Variants in TMEM63B observed in about 807,000 individuals in gnomAD.
The protein encoded by TMEM63B is mechanosensitive cation channel TMEM63B.
Under a neutral mutation model 102.6 loss-of-function variants are expected in TMEM63B, and 23 were observed. That is an observed-to-expected ratio of 0.22 (90% CI 0.16 to 0.32). The LOEUF (loss-of-function observed/expected upper bound fraction) is 0.32. Among genes scored for constraint, TMEM63B ranks in the 10% least tolerant of loss-of-function variants. The pLI is 1.00. For synonymous variants in TMEM63B, 444 were observed against 437.0 expected, an observed-to-expected ratio of 1.02 and a Z score of -0.20; for missense variants, 628 against 1,095.9, an observed-to-expected ratio of 0.57 and a Z score of 6.03.
chr6:44,139,471 G>A lies in TMEM63B; in HGVS notation c.412G>A (p.Asp138Asn), dbSNP rs1304258626. 1.2e-6 allele frequency: 2 copies of A among 1,614,140 alleles called. No homozygotes were observed. Among genetic ancestry groups the A allele is most frequent in the Non-Finnish European group, 1.7e-6 (2 of 1,180,026 alleles). ...GTCCAACCCGTATGGCTGCAGGGAT[G>A]ATGAGATCCGGGACAAATGTGGGGG... ...WLTAIFRIKD[D>N]EIRDKCGGDA... Residue 138 changes from aspartate to asparagine, a missense_variant, in exon 7 of 24, where the codon GAT becomes AAT. This residue lies in a region of TMEM63B where 336 missense variants were observed against 580.3 expected (regional missense o/e 0.58). Transcript: ENST00000323267.
intron 15 of TMEM63B, 22 bp from the exon 16 acceptor site, chr6:44,149,837 G>A (rs1554126331): frequency 6.3e-6 from 10 of 1,590,710 alleles, no homozygotes; most frequent in Middle Eastern, 1.7e-4. Context: ...CCTGCCTGAC[G>A]CCCCCCTGTG....
intron 10 of TMEM63B, among the ~76,000 whole-genome samples, chr6:44,143,261 CA>C (rs1218489572): frequency 6.6e-6 from 1 of 152,212 alleles, no homozygotes; most frequent in African/African-American, 2.4e-5. Context: ...CAGTTATTGA[CA>C]ACCTTCTATG....
At chr6:44,154,328 A>G (rs755320176) in intron 22 of TMEM63B, 37 bp from the exon 23 acceptor site, 23 of 1,611,278 alleles carry the variant, frequency 1.4e-5, no homozygotes, top group Non-Finnish European at 2.0e-5. Flanking sequence ...GGCTGAGGAC[A>G]TGCCCCCACT....
intron 15 of TMEM63B, 60 bp from the exon 16 acceptor site, chr6:44,149,799 G>A: frequency 7.0e-7 from 1 of 1,429,502 alleles, no homozygotes; most frequent in Non-Finnish European, 9.6e-7. Flanking sequence ...AGGCACATAA[G>A]CAAAGCCACC....
chr6:44,130,338 T>A (rs1778018797), intron 1 of TMEM63B, among the ~76,000 whole-genome samples: 1 of 152,242 alleles, frequency 6.6e-6, no homozygotes, highest in Non-Finnish European at 1.5e-5. Flanking sequence ...ATGAGTTACA[T>A]TTGTAAAGTG....
At chr6:44,135,509 C>A in intron 4 of TMEM63B, 143 bp downstream of exon 4, 1 of 1,096,332 alleles carries the variant, frequency 9.1e-7, no homozygotes, top group African/African-American at 1.6e-5. Flanking sequence ...TTAACGCAGG[C>A]GGTGTGCTTT....
intron 11 of TMEM63B, 104 bp downstream of exon 11, chr6:44,147,031 C>A: frequency 7.8e-7 from 1 of 1,286,176 alleles, no homozygotes; most frequent in Non-Finnish European, 1.1e-6. Context: ...TTTCCTAGGG[C>A]ATTTGATTTT....
intron 5 of TMEM63B, among the ~76,000 whole-genome samples, chr6:44,136,870 C>T (rs983362126): frequency 6.6e-6 from 1 of 152,178 alleles, no homozygotes; most frequent in Non-Finnish European, 1.5e-5. Context: ...ACGGTGAAAC[C>T]CCGTCTCTAC....
rs1767762005 is a variant in TMEM63B, at chr6:44,155,058, C to T, written c.*175C>T. The T allele has an allele frequency of 4.9e-6, 3 of 614,878 alleles. No individual in the cohort carries two copies. The highest frequency in any genetic ancestry group is 7.8e-5 in the Admixed American group (2 of 25,618). 38.1% of individuals were successfully genotyped at this position (614,878 alleles called of 1,614,324 possible). Reference sequence around the variant, plus strand: ...TCTCCCCCATGATGGAGGGAGGGAGCCCCCCAACCTCAGTGAGGAGAGCCC... The same window carrying T: ...TCTCCCCCATGATGGAGGGAGGGAGTCCCCCAACCTCAGTGAGGAGAGCCC... On this transcript the variant is annotated 3_prime_UTR_variant, in exon 24 of 24. Coordinates refer to ENST00000323267, the MANE Select transcript of TMEM63B (RefSeq NM_018426.3).
At position 44,152,044 on chromosome 6, in the gene TMEM63B, G is replaced by T. The variant is rs528855338; in HGVS notation, c.1836+36G>T. ...CTGGGGCAGCAGCGGCCCGCACAGC[G>T]CCCCCTGGTGGCCCAACAAGAAACA... On this transcript the variant is annotated intron_variant, in intron 19 of 23. Coordinates refer to ENST00000323267, the MANE Select transcript of TMEM63B (RefSeq NM_018426.3). This position sits in a 1 kb window ranked among gnomAD's most constrained non-coding sequence, Gnocchi z 6.4. 52 of 1,552,804 alleles carry T rather than the reference G, an allele frequency of 3.3e-5. No individual in the cohort carries two copies. In the Admixed American group the frequency reaches 8.2e-4, roughly 24 times the overall value.
In TMEM63B at chr6:44,139,748, C is replaced by G; in HGVS notation, c.591C>G (p.Asn197Lys). ...GCTTTGGGAGAACCACCATTGCCAA[C>G]TTGAAATCAGGGTAAGATGCGAAGC... ...AYSFGRTTIANLKSGNNLLWL... is the reference protein window; with the variant it reads ...AYSFGRTTIAKLKSGNNLLWL... Residue 197 changes from asparagine (N) to lysine (K), a missense_variant, in exon 8 of 24, where the codon AAC (asparagine) becomes AAG (lysine). By Grantham distance (94) the Asn-to-Lys change is moderately conservative. Around this residue, in one of 6 missense-constraint regions of TMEM63B, gnomAD observed 336 missense variants for 580.3 expected, o/e 0.58. Coordinates refer to ENST00000323267, the MANE Select transcript of TMEM63B (RefSeq NM_018426.3). 1 of 1,614,156 alleles carries G rather than the reference C, an allele frequency of 6.2e-7. No homozygotes were observed. Among genetic ancestry groups the G allele is most frequent in the Non-Finnish European group, 8.5e-7 (1 of 1,180,038 alleles).
chr6:44,129,379 A>G (rs1415280573), intron 1 of TMEM63B, among the ~76,000 whole-genome samples: 5 of 152,012 alleles, frequency 3.3e-5, no homozygotes, highest in East Asian at 1.9e-4. Context: ...AAAAAAAAAA[A>G]AAAGAAAGAA....
At chr6:44,149,134 A>C (rs1766037120) in intron 15 of TMEM63B, 189 bp downstream of exon 15, 1 of 769,994 alleles carries the variant, frequency 1.3e-6, no homozygotes, top group Non-Finnish European at 2.1e-6. Flanking sequence ...GAGAGAGGCC[A>C]CCCTCAGGTG....
rs762370013 is a variant in TMEM63B at position 44,148,687 on chromosome 6, C to T, written c.1259+37C>T. On this transcript the variant is annotated intron_variant, in intron 14 of 23. Transcript: ENST00000323267. This position sits in a 1 kb window ranked among gnomAD's most constrained non-coding sequence, Gnocchi z 5.1. Reference sequence around the variant, plus strand: ...GGTGTCAGGGCAGGCTTTCCAGGGCCTGGGATGGGCTCAGTAGGTAGGCGG... The same window carrying T: ...GGTGTCAGGGCAGGCTTTCCAGGGCTTGGGATGGGCTCAGTAGGTAGGCGG... 78 of 1,611,898 alleles carry T rather than the reference C, an allele frequency of 4.8e-5. No homozygotes were observed. The highest frequency in any genetic ancestry group is 1.7e-4 in the Admixed American group (10 of 59,962).
At chr6:44,138,709 CATAATCT>C in intron 6 of TMEM63B, 192 bp downstream of exon 6, 1 of 516,824 alleles carries the variant, frequency 1.9e-6, no homozygotes, top group Non-Finnish European at 3.5e-6. Context: ...CACTTGACCC[CATAATCT>C]CCTCTGTGAC....
intron 1 of TMEM63B, among the ~76,000 whole-genome samples, chr6:44,130,348 G>A (rs1778019760): frequency 6.6e-6 from 1 of 152,110 alleles, no homozygotes; most frequent in East Asian, 1.9e-4. Context: ...TTTGTAAAGT[G>A]CTTAGAACAG....
chr6:44,126,816 GCA>G (rs1294138667), upstream of TMEM63B: 2 of 152,206 alleles, frequency 1.3e-5, no homozygotes, highest in African/African-American at 4.8e-5. Flanking sequence ...ACTGGTAGAT[GCA>G]GTCTCTGGTG....
rs1336224016 is a variant in TMEM63B at position 44,150,305 on chromosome 6, G to A, written c.1602G>A (p.Leu534=). Reference sequence around the variant, plus strand: ...TGCTGCTCCTACCCTCGCTGGGACTGAGCAGGTGAGTTGAGAAGGATGGGG... The same window carrying A: ...TGCTGCTCCTACCCTCGCTGGGACTAAGCAGGTGAGTTGAGAAGGATGGGG... ...FMVLLLPSLG[L]SSLDLFFRWL... is the part of the protein sequence containing the mutation. The change falls in exon 17 of 24, where the codon CTG becomes CTA. Residue 534 remains leucine, a synonymous_variant. Transcript: ENST00000323267. The surrounding 1 kb of genome is among the most constrained non-coding windows in gnomAD (Gnocchi z 4.7). 1 of 1,614,014 alleles carries A rather than the reference G, an allele frequency of 6.2e-7. No individual in the cohort carries two copies. Among genetic ancestry groups the A allele is most frequent in the Non-Finnish European group, 8.5e-7 (1 of 1,179,978 alleles).
chr6:44,138,887 A>G (rs1323326810), intron 6 of TMEM63B: 1 of 308,762 alleles, frequency 3.2e-6, no homozygotes, highest in Non-Finnish European at 6.3e-6. Flanking sequence ...GCCAGAGTCC[A>G]GCAGGCAGGC....
Sources: allele counts gnomAD v4.1 joint callset (sites outside exome capture counted in the v4.1 genomes callset), GRCh38; gene constraint gnomAD v4.1.1; regional missense constraint gnomAD v4.1.1; non-coding constraint Gnocchi (gnomAD v3.1); transcripts MANE v1.5; gene names NCBI Gene and HGNC (gene_info 2026-07-23, HGNC 2026-07-21).